CPM: variants seen among roughly 807,000 people sequenced by gnomAD.
CPM encodes carboxypeptidase M.
A neutral mutation model predicts 46.4 loss-of-function variants in CPM; 35 were observed. The ratio of observed to expected loss-of-function variants is 0.75; its 90% CI spans 0.58 to 1.00. The LOEUF (loss-of-function observed/expected upper bound fraction) is 1.00. Ranked by LOEUF, CPM falls within the 50% of genes least tolerant of loss-of-function variation. The pLI is 0.00. For missense variants in CPM, 422 were observed against 530.4 expected, an observed-to-expected ratio of 0.80 and a Z score of 2.01; for synonymous variants, 195 against 195.3, an observed-to-expected ratio of 1.00 and a Z score of 0.01.
chr12:68,910,041 C>T (rs531243320), intron 2 of CPM, among the ~76,000 whole-genome samples: 21 of 151,982 alleles, frequency 1.4e-4, no homozygotes, highest in African/African-American at 5.1e-4. Flanking sequence ...GGAAGAAGAG[C>T]ATCATCAATG....
intron 5 of CPM, chr12:68,844,929 C>T (rs948591886): frequency 2.5e-5 from 5 of 197,320 alleles, no homozygotes; most frequent in Admixed American, 1.2e-4. Context: ...CACCACGCCC[C>T]GCTAATTTTT....
intron 7 of CPM, 199 bp downstream of exon 7, chr12:68,866,697 T>C (rs1231827136): frequency 9.5e-6 from 5 of 529,066 alleles, no homozygotes; most frequent in African/African-American, 1.9e-5. Flanking sequence ...CATGCTTCCT[T>C]TTCTATGAAT....
chr12:68,921,388 C>CTG (rs1565798451), intron 2 of CPM, among the ~76,000 whole-genome samples: 2 of 152,038 alleles, frequency 1.3e-5, no homozygotes, highest in Non-Finnish European at 2.9e-5. Context: ...GTGATCCACC[C>CTG]GCCTCAGCCT....
intron 7 of CPM, among the ~76,000 whole-genome samples, chr12:68,860,530 A>G (rs887416504): frequency 6.6e-6 from 1 of 151,786 alleles, no homozygotes; most frequent in African/African-American, 2.4e-5. Flanking sequence ...CCTGGGCTCA[A>G]GCAATCCACC....
At chr12:68,920,945 G>A (rs1199273495) in intron 2 of CPM, among the ~76,000 whole-genome samples, 1 of 150,960 alleles carries the variant, frequency 6.6e-6, no homozygotes, top group Non-Finnish European at 1.5e-5. Context: ...TAAGCAATCG[G>A]CCTGCCTTGG....
chr12:68,929,146 T>C (rs936035153), intron 2 of CPM, among the ~76,000 whole-genome samples: 67 of 152,216 alleles, frequency 4.4e-4, no homozygotes, highest in African/African-American at 1.6e-3. Flanking sequence ...TTTAAAAAAA[T>C]AATAAAATGT....
At chr12:68,924,935 T>C (rs1413254891) in intron 2 of CPM, among the ~76,000 whole-genome samples, 1 of 152,136 alleles carries the variant, frequency 6.6e-6, no homozygotes, top group Non-Finnish European at 1.5e-5. Context: ...TCTTAACCAA[T>C]GTTAGGGAGA....
downstream of CPM, chr12:68,846,333 C>G (rs1444700507): frequency 6.6e-6 from 1 of 152,132 alleles, no homozygotes; most frequent in Non-Finnish European, 1.5e-5. Context: ...GTGATCTGCC[C>G]GTCTTGGCTT....
intron 2 of CPM, among the ~76,000 whole-genome samples, chr12:68,915,597 A>G (rs1144961): frequency 0.78 from 118,901 of 152,194 alleles, 46,898 homozygotes; most frequent in African/African-American, 0.9. Context: ...CCTACACTGC[A>G]CTGTTGACTG....
At chr12:68,891,110 C>T (rs983348346) in intron 2 of CPM, among the ~76,000 whole-genome samples, 3 of 152,236 alleles carry the variant, frequency 2.0e-5, no homozygotes, top group African/African-American at 7.2e-5. Flanking sequence ...GCCCTACTGG[C>T]AAGGCTGCAC....
chr12:68,934,470 C>T (rs983288638), upstream of CPM, among the ~76,000 whole-genome samples: 3 of 152,090 alleles, frequency 2.0e-5, no homozygotes, highest in Non-Finnish European at 4.4e-5. Context: ...GTGATTCTGC[C>T]GCAGCATAGA....
rs73338450 is a variant in CPM at position 68,891,083 on chromosome 12, C to T, written c.161-5194G>A. Among the ~76,000 whole-genome samples, 858 of 152,368 alleles carry T rather than the reference C, an allele frequency of 5.6e-3. 6 individuals are homozygous for T. Among genetic ancestry groups the T allele is most frequent in the African/African-American group, 0.019 (795 of 41,590 alleles). On this transcript the variant is annotated intron_variant, in intron 2 of 8. Coordinates refer to ENST00000551568, the MANE Select transcript of CPM (RefSeq NM_198320.5). ...ATGAACTGAGTTTCAGTTTCTTCCA[C>T]GTAAGTGGGAATAACAGCCCTACTG...
At chr12:68,881,018 G>A (rs1886166082) in intron 3 of CPM, among the ~76,000 whole-genome samples, 1 of 152,186 alleles carries the variant, frequency 6.6e-6, no homozygotes, top group African/African-American at 2.4e-5. Flanking sequence ...AAAATGAGGA[G>A]TGAGTTTAAC....
intron 4 of CPM, among the ~76,000 whole-genome samples, chr12:68,871,210 G>A (rs929143221): frequency 1.1e-4 from 17 of 152,220 alleles, no homozygotes; most frequent in East Asian, 1.9e-4. Flanking sequence ...TAAATCAACC[G>A]GTCATTACCA....
At chr12:68,906,946 C>G (rs201384065) in intron 2 of CPM, among the ~76,000 whole-genome samples, 4 of 152,308 alleles carry the variant, frequency 2.6e-5, no homozygotes, top group Middle Eastern at 3.4e-3. Context: ...AATTAAGAAC[C>G]CTGGCTTCCA....
chr12:68,844,677 C>T (rs1434573523), intron 5 of CPM: 7 of 223,894 alleles, frequency 3.1e-5, no homozygotes, highest in Non-Finnish European at 6.2e-5. Context: ...GGCTTTAAAG[C>T]AGGAGCTTGT....
At chr12:68,960,158 TCTATAACATA>T (rs1031118635) in intron 1 of CPM, among the ~76,000 whole-genome samples, 2 of 152,236 alleles carry the variant, frequency 1.3e-5, no homozygotes, top group African/African-American at 4.8e-5. Flanking sequence ...AATCACATTT[TCTATAACATA>T]TGAATGCACA....
chr12:68,911,093 A>G (rs1874889), intron 2 of CPM, among the ~76,000 whole-genome samples: 10,261 of 152,260 alleles, frequency 0.067, 739 homozygotes, highest in African/African-American at 0.18. Flanking sequence ...ATGTCAATAT[A>G]TTATTTGGTA....
At chr12:68,907,466 G>A (rs1887400628) in intron 2 of CPM, among the ~76,000 whole-genome samples, 2 of 152,146 alleles carry the variant, frequency 1.3e-5, no homozygotes, top group African/African-American at 4.8e-5. Flanking sequence ...AAGCAGTGAA[G>A]GAGCACTTAG....
Sources: allele counts gnomAD v4.1 joint callset (sites outside exome capture counted in the v4.1 genomes callset), GRCh38; gene constraint gnomAD v4.1.1; transcripts MANE v1.5; gene names NCBI Gene and HGNC (gene_info 2026-07-23, HGNC 2026-07-21).